ANKIB1: variants seen among roughly 807,000 people sequenced by gnomAD.
ANKIB1 encodes ankyrin repeat and IBR domain containing 1.
A neutral mutation model predicts 122.1 loss-of-function variants in ANKIB1; 43 were observed. That is an observed-to-expected ratio of 0.35 (90% CI 0.28 to 0.45). ANKIB1 has a LOEUF of 0.45. ANKIB1 is among the 20% of genes least tolerant of loss of function. The probability of loss-of-function intolerance (pLI) is 1.00; values close to 1 mark genes in which losing one functional copy is unlikely to be tolerated. For synonymous variants in ANKIB1, 390 were observed against 442.0 expected (o/e 0.88, Z 1.48); for missense variants, 992 against 1,329.5 (o/e 0.75, Z 3.95).
At chr7:92,319,671 A>G (rs1585105297) in intron 4 of ANKIB1, 159 bp downstream of exon 4, 1 of 745,242 alleles carries the variant, frequency 1.3e-6, no homozygotes, top group South Asian at 2.1e-5. Flanking sequence ...AAATACATCT[A>G]GGCCAACCAC....
Position 92,391,270 on chromosome 7 carries a change from G to C in ANKIB1, c.2157G>C (p.Gln719His), listed in dbSNP as rs1448256633. ...TCAAAGCAGCATGCCTTGTACAGCA[G>C]AAGAGGCAAGAATTCCTGGCATCTG... ...KIIKAACLVQ[Q>H]KRQEFLASVA... The change falls in exon 16 of 20, where the codon CAG (glutamine) becomes CAC (histidine). Residue 719 changes from glutamine (Q) to histidine (H), a missense_variant. By Grantham distance (24) the Gln-to-His change is conservative. Transcript: ENST00000265742. 1 of 1,613,516 alleles carries C rather than the reference G, an allele frequency of 6.2e-7. No individual in the cohort carries two copies. The highest frequency in any genetic ancestry group is 1.7e-5 in the Admixed American group (1 of 59,968).
At chr7:92,375,541 A>G (rs1329888684) in intron 11 of ANKIB1, among the ~76,000 whole-genome samples, 2 of 152,228 alleles carry the variant, frequency 1.3e-5, no homozygotes, top group Non-Finnish European at 2.9e-5. Context: ...AAGTTTTATC[A>G]TGAGATTATA....
intron 1 of ANKIB1, among the ~76,000 whole-genome samples, chr7:92,275,493 G>A (rs1801883277): frequency 6.6e-6 from 1 of 152,178 alleles, no homozygotes; most frequent in East Asian, 1.9e-4. Flanking sequence ...AAACACTGCA[G>A]ATATTTAATT....
intron 5 of ANKIB1, among the ~76,000 whole-genome samples, chr7:92,334,711 A>T (rs1244634477): frequency 6.6e-6 from 1 of 152,008 alleles, no homozygotes; most frequent in Admixed American, 6.6e-5. Context: ...TAACAATAGT[A>T]TGCTTAATCT....
chr7:92,370,004 A>G (rs771809547), intron 10 of ANKIB1, among the ~76,000 whole-genome samples: 1 of 152,216 alleles, frequency 6.6e-6, no homozygotes, highest in Non-Finnish European at 1.5e-5. Flanking sequence ...TGAGTTTAAG[A>G]AAATGAAGAG....
At chr7:92,308,081 A>G (rs886529262) in intron 3 of ANKIB1, among the ~76,000 whole-genome samples, 1 of 152,068 alleles carries the variant, frequency 6.6e-6, no homozygotes, top group Non-Finnish European at 1.5e-5. Context: ...CATGTTGGCC[A>G]GGATGGTCTC....
intron 1 of ANKIB1, among the ~76,000 whole-genome samples, chr7:92,285,248 C>T (rs888016769): frequency 6.6e-6 from 1 of 152,080 alleles, no homozygotes; most frequent in African/African-American, 2.4e-5. Flanking sequence ...CTCCTGACCT[C>T]AAGTGATCTA....
At chr7:92,275,138 C>T (rs1301394570) in intron 1 of ANKIB1, among the ~76,000 whole-genome samples, 1 of 152,086 alleles carries the variant, frequency 6.6e-6, no homozygotes, top group Non-Finnish European at 1.5e-5. Flanking sequence ...TTCCAGTTTT[C>T]AAAATTCCAG....
chr7:92,351,861 C>T (rs1030897069), intron 8 of ANKIB1, among the ~76,000 whole-genome samples: 5 of 151,598 alleles, frequency 3.3e-5, no homozygotes, highest in African/African-American at 4.8e-5. Context: ...GCTGGGATTA[C>T]GGGCGCCCAC....
chr7:92,375,272 A>C (rs1355507428), intron 11 of ANKIB1, among the ~76,000 whole-genome samples: 5 of 152,218 alleles, frequency 3.3e-5, no homozygotes, highest in African/African-American at 1.2e-4. Flanking sequence ...TTCTTAAAAT[A>C]AGACAACAAT....
intron 1 of ANKIB1, among the ~76,000 whole-genome samples, chr7:92,255,599 T>C (rs1418014193): frequency 6.6e-6 from 1 of 152,192 alleles, no homozygotes; most frequent in Non-Finnish European, 1.5e-5. Context: ...CTTCTGGGGA[T>C]GGGGCCAAGA....
At position 92,246,434 on chromosome 7, in the gene ANKIB1, G is replaced by T. The variant is rs200047434; in HGVS notation, c.-176G>T. ...GCGGGCTGGGTACCTGAGGTCACCA[G>T]CTCGGCTGTAGAGGCAGGGGCGGCG... On this transcript the variant is annotated 5_prime_UTR_variant, in exon 1 of 20. Transcript: ENST00000265742. 1.9e-6 allele frequency: 1 copy of T among 517,274 alleles called. No homozygotes were observed. Among genetic ancestry groups the T allele is most frequent in the Non-Finnish European group, 3.9e-6 (1 of 259,538 alleles). 32.0% of individuals were successfully genotyped at this position (517,274 alleles called of 1,614,324 possible). A position where few individuals can be genotyped will look rare whatever the true frequency, so the allele number is the denominator to read the frequency against.
At chr7:92,316,343 C>T (rs1232136466) in intron 3 of ANKIB1, among the ~76,000 whole-genome samples, 2 of 152,144 alleles carry the variant, frequency 1.3e-5, no homozygotes, top group Non-Finnish European at 2.9e-5. Context: ...AGCTATCTCC[C>T]CTTAATGCAT....
At chr7:92,289,649 C>T (rs1260226821) in intron 1 of ANKIB1, among the ~76,000 whole-genome samples, 2 of 152,164 alleles carry the variant, frequency 1.3e-5, no homozygotes, top group African/African-American at 4.8e-5. Context: ...CAGTTGAAAT[C>T]ATCTCCTCAG....
At chr7:92,376,910 G>A (rs1255926023) in intron 11 of ANKIB1, among the ~76,000 whole-genome samples, 1 of 152,060 alleles carries the variant, frequency 6.6e-6, no homozygotes, top group African/African-American at 2.4e-5. Flanking sequence ...TTGGCTTAAG[G>A]GAATTTCATG....
chr7:92,271,637 A>G (rs1801796226), intron 1 of ANKIB1, among the ~76,000 whole-genome samples: 1 of 152,222 alleles, frequency 6.6e-6, no homozygotes. Flanking sequence ...CCAAGCTGCA[A>G]ATATAGGATA....
chr7:92,387,131 G>A (rs1353046426), intron 12 of ANKIB1, among the ~76,000 whole-genome samples: 1 of 152,094 alleles, frequency 6.6e-6, no homozygotes, highest in African/African-American at 2.4e-5. Context: ...TAGGTGGCCA[G>A]AAAAGACAGA....
intron 11 of ANKIB1, among the ~76,000 whole-genome samples, chr7:92,378,479 A>AC (rs1804437428): frequency 7.3e-6 from 1 of 137,404 alleles, no homozygotes; most frequent in African/African-American, 2.9e-5. Context: ...AAGCTATTTG[A>AC]CAAAAAAAAA....
chr7:92,314,354 A>G (rs185887233), intron 3 of ANKIB1, among the ~76,000 whole-genome samples: 1 of 152,276 alleles, frequency 6.6e-6, no homozygotes, highest in East Asian at 1.9e-4. Flanking sequence ...GAAAGCAAAT[A>G]TGATGAGATT....
Sources: allele counts gnomAD v4.1 joint callset (sites outside exome capture counted in the v4.1 genomes callset), GRCh38; gene constraint gnomAD v4.1.1; transcripts MANE v1.5; gene names NCBI Gene and HGNC (gene_info 2026-07-23, HGNC 2026-07-21).